JMJD1C: variants seen among roughly 807,000 people sequenced by gnomAD.
JMJD1C encodes the protein jumonji domain-containing protein 1C.
Under a neutral mutation model 245.3 loss-of-function variants are expected in JMJD1C, and 31 were observed. That is an observed-to-expected ratio of 0.13 (90% CI 0.09 to 0.17). The LOEUF is 0.17. Ranked by LOEUF, JMJD1C falls within the 10% of genes least tolerant of loss-of-function variation. JMJD1C has a pLI of 1.00. For synonymous variants in JMJD1C, 1,057 were observed against 1,017.4 expected, an observed-to-expected ratio of 1.04 and a Z score of -0.74; for missense variants, 2,691 against 3,000.2, an observed-to-expected ratio of 0.90 and a Z score of 2.41.
intron 18 of JMJD1C, among the ~76,000 whole-genome samples, chr10:63,188,391 A>T (rs528928888): frequency 2.6e-4 from 39 of 152,346 alleles, no homozygotes; most frequent in African/African-American, 9.4e-4. Flanking sequence ...GAAAGGGATT[A>T]GTAACCTAAA....
chr10:63,336,989 C>T (rs1361882597), intron 2 of JMJD1C, among the ~76,000 whole-genome samples: 16 of 151,908 alleles, frequency 1.1e-4, no homozygotes, highest in African/African-American at 2.9e-4. Context: ...TACAGGTGCC[C>T]GCCACCACAA....
intron 1 of JMJD1C, among the ~76,000 whole-genome samples, chr10:63,405,149 AT>A (rs1949091943): frequency 1.3e-5 from 2 of 152,254 alleles, no homozygotes; most frequent in South Asian, 4.1e-4. Context: ...CTCTCACTTC[AT>A]TTTTAGCACC....
At chr10:63,240,687 T>C (rs530686032) in intron 3 of JMJD1C, among the ~76,000 whole-genome samples, 4 of 152,138 alleles carry the variant, frequency 2.6e-5, no homozygotes, top group African/African-American at 9.6e-5. Context: ...TATTAGAGGG[T>C]TGAGTTTATA....
At chr10:63,265,820 CA>C (rs1855499023) in intron 2 of JMJD1C, among the ~76,000 whole-genome samples, 2 of 152,074 alleles carry the variant, frequency 1.3e-5, no homozygotes, top group Admixed American at 1.3e-4. Flanking sequence ...CCACACAAAA[CA>C]AAGATTTTGG....
intron 1 of JMJD1C, among the ~76,000 whole-genome samples, chr10:63,396,799 C>CAA (rs947151257): frequency 7.2e-6 from 1 of 138,190 alleles, no homozygotes; most frequent in Non-Finnish European, 1.6e-5. Flanking sequence ...TTAGATTCAG[C>CAA]AAAAAAAAAA....
intron 2 of JMJD1C, among the ~76,000 whole-genome samples, chr10:63,288,908 AATAATAATAATAATAATAATG>A (rs1370187463): frequency 6.6e-4 from 89 of 135,224 alleles, no homozygotes; most frequent in African/African-American, 2.5e-3. Flanking sequence ...TAATAATAAT[AATAATAATAATAATAATAATG>A]ATAATAATCT....
intron 1 of JMJD1C, among the ~76,000 whole-genome samples, chr10:63,504,770 G>A (rs796334092): frequency 1.3e-5 from 2 of 152,260 alleles, no homozygotes; most frequent in African/African-American, 4.8e-5. Flanking sequence ...AGACACAGAG[G>A]TGGCTCACAT....
At chr10:63,307,141 T>C (rs1938363613) in intron 2 of JMJD1C, among the ~76,000 whole-genome samples, 1 of 152,138 alleles carries the variant, frequency 6.6e-6, no homozygotes, top group Non-Finnish European at 1.5e-5. Context: ...CAACAAATAA[T>C]TCTGAGGATT....
chr10:63,291,077 T>C lies in JMJD1C; in HGVS notation c.334-26313A>G, dbSNP rs80330940. Among the ~76,000 whole-genome samples, 512 of 151,740 alleles carry C rather than the reference T, an allele frequency of 3.4e-3. 11 individuals are homozygous for C. Among genetic ancestry groups the C allele is most frequent in the Admixed American group, 0.031 (469 of 15,218 alleles). ...ATCCCAGCACTTTGAGAGGCCGAGG[T>C]GGGCGGATCACGAGGTTAGGAGTTC... is the stretch of plus-strand genomic sequence containing the variant. On this transcript the variant is annotated intron_variant, in intron 2 of 25. Transcript: ENST00000399262.
intron 1 of JMJD1C, among the ~76,000 whole-genome samples, chr10:63,517,786 CTTTTT>C (rs11361305): frequency 1.4e-5 from 1 of 72,540 alleles, no homozygotes; most frequent in African/African-American, 6.0e-5. Flanking sequence ...CTAATGGCCA[CTTTTT>C]TTTTTTTTTT....
At chr10:63,230,179 C>G (rs1048662258) in intron 3 of JMJD1C, among the ~76,000 whole-genome samples, 1 of 152,118 alleles carries the variant, frequency 6.6e-6, no homozygotes, top group African/African-American at 2.4e-5. Context: ...TCGAGACCAG[C>G]CTGGCCAACA....
chr10:63,357,656 A>G (rs962570101), intron 2 of JMJD1C, among the ~76,000 whole-genome samples: 1 of 152,142 alleles, frequency 6.6e-6, no homozygotes, highest in Admixed American at 6.6e-5. Flanking sequence ...ATTTTTCATA[A>G]AACTCTTCAC....
chr10:63,434,781 G>T (rs1461284682), intron 1 of JMJD1C, among the ~76,000 whole-genome samples: 1 of 152,146 alleles, frequency 6.6e-6, no homozygotes, highest in African/African-American at 2.4e-5. Context: ...CACAAAGGTG[G>T]ATGAAACAAA....
At chr10:63,216,698 A>C (rs911265866) in intron 5 of JMJD1C, among the ~76,000 whole-genome samples, 10 of 151,770 alleles carry the variant, frequency 6.6e-5, no homozygotes, top group Admixed American at 3.9e-4. Flanking sequence ...CGACAGAGCG[A>C]GACTCCAGCT....
chr10:63,388,402 A>G (rs1483798181), intron 1 of JMJD1C, among the ~76,000 whole-genome samples: 1 of 152,158 alleles, frequency 6.6e-6, no homozygotes, highest in African/African-American at 2.4e-5. Flanking sequence ...TTCATAAATG[A>G]TGGGGAAATA....
intron 17 of JMJD1C, 145 bp downstream of exon 17, chr10:63,190,749 G>A (rs1844702077): frequency 1.5e-6 from 1 of 657,834 alleles, no homozygotes; most frequent in Admixed American, 2.7e-5. Flanking sequence ...AAGGTAAAGA[G>A]AGTTATAATG....
chr10:63,482,988 T>C (rs1953876204), intron 1 of JMJD1C, among the ~76,000 whole-genome samples: 1 of 152,212 alleles, frequency 6.6e-6, no homozygotes, highest in African/African-American at 2.4e-5. Context: ...GTTAATCTAA[T>C]CAATCATGAC....
intron 1 of JMJD1C, among the ~76,000 whole-genome samples, chr10:63,484,496 C>G (rs930189341): frequency 6.6e-6 from 1 of 152,010 alleles, no homozygotes; most frequent in African/African-American, 2.4e-5. Flanking sequence ...GCAAGCACAG[C>G]ACTTATTTGA....
At chr10:63,436,304 T>C (rs757823584) in intron 1 of JMJD1C, among the ~76,000 whole-genome samples, 1 of 152,226 alleles carries the variant, frequency 6.6e-6, no homozygotes, top group East Asian at 1.9e-4. Flanking sequence ...CTTATGTTAA[T>C]GTAACAGTTT....
Sources: allele counts gnomAD v4.1 joint callset (sites outside exome capture counted in the v4.1 genomes callset), GRCh38; gene constraint gnomAD v4.1.1; transcripts MANE v1.5; gene names NCBI Gene and HGNC (gene_info 2026-07-23, HGNC 2026-07-21).